Variants in ADCY9 observed in about 807,000 individuals in gnomAD.
The protein encoded by ADCY9 is adenylate cyclase type 9.
A neutral mutation model predicts 101.5 loss-of-function variants in ADCY9; 50 were observed. The observed-to-expected ratio is 0.49, with a 90% CI of 0.39 to 0.62. The LOEUF is 0.62. ADCY9 is among the 20% of genes least tolerant of loss of function. ADCY9 has a pLI of 0.00. For missense variants in ADCY9, 1,662 were observed against 1,800.4 expected, an observed-to-expected ratio of 0.92 and a Z score of 1.39; for synonymous variants, 905 against 769.3, an observed-to-expected ratio of 1.18 and a Z score of -2.92.
chr16:3,974,763 A>G, intron 9 of ADCY9, 53 bp from the exon 10 acceptor site: 2 of 1,458,274 alleles, frequency 1.4e-6, no homozygotes, highest in South Asian at 2.3e-5. Flanking sequence ...AAGGCATTCC[A>G]CAAGGCAACC....
intron 2 of ADCY9, among the ~76,000 whole-genome samples, chr16:4,018,673 C>T (rs745552544): frequency 2.0e-5 from 3 of 152,306 alleles, no homozygotes; most frequent in Non-Finnish European, 2.9e-5. Context: ...CTTGTCAGAT[C>T]ACCCGGTTTT....
chr16:4,111,539 A>G (rs1350656413), intron 2 of ADCY9, among the ~76,000 whole-genome samples: 1 of 152,212 alleles, frequency 6.6e-6, no homozygotes, highest in Non-Finnish European at 1.5e-5. Flanking sequence ...TGTCATCTCA[A>G]TTTAGCTTTG....
rs149752018 is a variant in ADCY9, at chr16:3,977,478, G to A, written c.2828+4C>T. The stretch of plus-strand genomic sequence containing the variant: ...GGTGCCCGCAAGCAGTGCTGGCCGC[G>A]TACCTGTCTGGGCACAGGGAGACGT... On this transcript the variant is annotated splice_donor_region_variant and intron_variant, in intron 9 of 10. Transcript: ENST00000294016. The A allele has an allele frequency of 3.0e-5, 47 of 1,557,744 alleles. No individual in the cohort carries two copies. The highest frequency in any genetic ancestry group is 3.5e-4 in the Middle Eastern group (2 of 5,692).
chr16:4,071,368 A>G (rs1017489331), intron 2 of ADCY9, among the ~76,000 whole-genome samples: 1 of 150,688 alleles, frequency 6.6e-6, no homozygotes. Flanking sequence ...AAAAAAATCA[A>G]AAAAGTTGAA....
At chr16:4,050,841 A>T (rs1396512138) in intron 2 of ADCY9, among the ~76,000 whole-genome samples, 1 of 152,210 alleles carries the variant, frequency 6.6e-6, no homozygotes, top group Non-Finnish European at 1.5e-5. Context: ...TTTCTACTAA[A>T]AGGAACCAGG....
At chr16:4,081,659 T>C (rs1290084552) in intron 2 of ADCY9, among the ~76,000 whole-genome samples, 1 of 151,922 alleles carries the variant, frequency 6.6e-6, no homozygotes, top group African/African-American at 2.4e-5. Context: ...CACCCACATG[T>C]TCAACATCAC....
chr16:4,020,891 T>C (rs2056471926), intron 2 of ADCY9, among the ~76,000 whole-genome samples: 1 of 151,778 alleles, frequency 6.6e-6, no homozygotes, highest in African/African-American at 2.4e-5. Flanking sequence ...GATAATGTTT[T>C]AGAATAAAGA....
At chr16:4,060,678 C>A (rs947472419) in intron 2 of ADCY9, among the ~76,000 whole-genome samples, 4 of 151,980 alleles carry the variant, frequency 2.6e-5, no homozygotes, top group Non-Finnish European at 5.9e-5. Context: ...CAGAGACAGA[C>A]TTCACAGAAT....
intron 2 of ADCY9, among the ~76,000 whole-genome samples, chr16:4,052,627 G>A (rs1044529445): frequency 3.3e-5 from 5 of 151,984 alleles, no homozygotes; most frequent in East Asian, 1.9e-4. Flanking sequence ...CACTCACTCC[G>A]CATTCCTAGA....
intron 2 of ADCY9, among the ~76,000 whole-genome samples, chr16:4,069,467 G>A (rs953467345): frequency 6.6e-6 from 1 of 151,818 alleles, no homozygotes; most frequent in Non-Finnish European, 1.5e-5. Context: ...ACTTGGTGCC[G>A]AGTCTGACAG....
intron 2 of ADCY9, among the ~76,000 whole-genome samples, chr16:4,076,022 G>A (rs2056864977): frequency 6.6e-6 from 1 of 152,180 alleles, no homozygotes; most frequent in South Asian, 2.1e-4. Context: ...AGCACAACGT[G>A]ATGACAGAGC....
At chr16:3,983,139 T>C in intron 7 of ADCY9, 93 bp downstream of exon 7, 1 of 1,215,782 alleles carries the variant, frequency 8.2e-7, no homozygotes, top group Non-Finnish European at 1.1e-6. Flanking sequence ...GACAGCTGGC[T>C]GGGGACCAGT....
chr16:4,010,755 C>G (rs535225726), intron 2 of ADCY9, among the ~76,000 whole-genome samples: 3 of 152,114 alleles, frequency 2.0e-5, no homozygotes, highest in Non-Finnish European at 4.4e-5. Flanking sequence ...GGCTGTGGCT[C>G]GAACGTGTCC....
chr16:4,073,418 A>G (rs1298668668), intron 2 of ADCY9, among the ~76,000 whole-genome samples: 1 of 148,892 alleles, frequency 6.7e-6, no homozygotes, highest in Non-Finnish European at 1.5e-5. Context: ...TTTTTGAGAC[A>G]AAAGTCTCAC....
At chr16:4,094,270 C>G (rs1161089945) in intron 2 of ADCY9, among the ~76,000 whole-genome samples, 3 of 152,180 alleles carry the variant, frequency 2.0e-5, no homozygotes, top group African/African-American at 7.2e-5. Context: ...AGGACAGCAG[C>G]AGGTTCGGAA....
At chr16:4,017,750 GTTCAGAAGTCTGGGAGA>G in intron 2 of ADCY9, among the ~76,000 whole-genome samples, 1 of 151,812 alleles carries the variant, frequency 6.6e-6, no homozygotes, top group South Asian at 2.1e-4. Flanking sequence ...CATAGCAAAA[GTTCAGAAGTCTGGGAGA>G]GATTAAATAA....
chr16:4,093,001 A>G (rs1237531691), intron 2 of ADCY9, among the ~76,000 whole-genome samples: 1 of 152,094 alleles, frequency 6.6e-6, no homozygotes, highest in Non-Finnish European at 1.5e-5. Context: ...AAAGATTCCT[A>G]TTTTTATAGA....
chr16:3,998,371 A>C (rs1319541546), intron 3 of ADCY9, among the ~76,000 whole-genome samples: 1 of 152,114 alleles, frequency 6.6e-6, no homozygotes, highest in Admixed American at 6.5e-5. Context: ...TGGTCATGCC[A>C]CTGTACTGCA....
chr16:4,059,747 A>C (rs1024060850), intron 2 of ADCY9, among the ~76,000 whole-genome samples: 1 of 152,156 alleles, frequency 6.6e-6, no homozygotes, highest in Non-Finnish European at 1.5e-5. Context: ...AAAACAAAAA[A>C]GTCAGCCTGG....
Sources: gnomAD v4.1 joint callset for allele counts (sites outside exome capture counted in the v4.1 genomes callset) on GRCh38, gnomAD v4.1.1 for gene constraint, MANE v1.5 for transcripts, NCBI Gene and HGNC (gene_info 2026-07-23, HGNC 2026-07-21) for gene names.